Variants in SGCZ observed in about 807,000 individuals in gnomAD.
The protein encoded by SGCZ is sarcoglycan zeta.
SGCZ carries 40 observed loss-of-function variants against 41.3 expected under a neutral mutation model. The ratio of observed to expected loss-of-function variants is 0.97; its 90% CI spans 0.75 to 1.26. SGCZ has a LOEUF of 1.26. SGCZ is among the 50% of genes most tolerant of loss of function. SGCZ has a pLI of 0.00. For missense variants in SGCZ, 552 were observed against 369.8 expected, an observed-to-expected ratio of 1.49 and a Z score of -4.04; for synonymous variants, 206 against 137.5, an observed-to-expected ratio of 1.50 and a Z score of -3.49.
chr8:14,403,101 G>T (rs1799121806), intron 2 of SGCZ, among the ~76,000 whole-genome samples: 1 of 149,926 alleles, frequency 6.7e-6, no homozygotes, highest in Non-Finnish European at 1.5e-5. Flanking sequence ...GTCTGCTGTT[G>T]GTGTATAAGA....
At chr8:15,012,810 T>C (rs1802889243) in intron 1 of SGCZ, among the ~76,000 whole-genome samples, 1 of 150,326 alleles carries the variant, frequency 6.7e-6, no homozygotes, top group African/African-American at 2.4e-5. Flanking sequence ...TATATATATA[T>C]ACGTATACAA....
intron 1 of SGCZ, among the ~76,000 whole-genome samples, chr8:14,598,213 G>A (rs572866137): frequency 1.3e-5 from 2 of 151,744 alleles, no homozygotes; most frequent in East Asian, 1.9e-4. Context: ...ATTTCAAGTG[G>A]GGCATTTTTT....
intron 1 of SGCZ, among the ~76,000 whole-genome samples, chr8:14,598,526 T>C (rs1007786423): frequency 1.3e-5 from 2 of 151,940 alleles, no homozygotes; most frequent in Non-Finnish European, 2.9e-5. Context: ...TTTATATATA[T>C]ACATAGCTTT....
At chr8:14,348,302 C>T (rs1802962064) in intron 2 of SGCZ, among the ~76,000 whole-genome samples, 3 of 152,094 alleles carry the variant, frequency 2.0e-5, no homozygotes, top group Non-Finnish European at 4.4e-5. Context: ...CAGCTTGAAT[C>T]CAGACATCTC....
chr8:15,159,321 T>C (rs538590136), intron 1 of SGCZ, among the ~76,000 whole-genome samples: 33 of 147,190 alleles, frequency 2.2e-4, no homozygotes, highest in Middle Eastern at 7.6e-3. Context: ...TAGTATCCTT[T>C]ATAAGAAACT....
chr8:14,559,777 G>T (rs756762352), intron 1 of SGCZ, among the ~76,000 whole-genome samples: 1 of 151,962 alleles, frequency 6.6e-6, no homozygotes. Context: ...AATTGGAAAC[G>T]CTGATAACGG....
chr8:14,966,759 G>C (rs1801139446), intron 1 of SGCZ, among the ~76,000 whole-genome samples: 2 of 152,038 alleles, frequency 1.3e-5, no homozygotes, highest in African/African-American at 4.8e-5. Context: ...TAAACAAATA[G>C]TATAGAAAAG....
At chr8:14,550,845 G>A (rs138645961) in intron 2 of SGCZ, among the ~76,000 whole-genome samples, 2,088 of 152,062 alleles carry the variant, frequency 0.014, 26 homozygotes, top group Non-Finnish European at 0.018. Context: ...ATCGTAAAAT[G>A]ATCTCTTGTA....
chr8:14,149,283 C>T (rs1036301290), intron 5 of SGCZ, among the ~76,000 whole-genome samples: 1 of 152,028 alleles, frequency 6.6e-6, no homozygotes, highest in African/African-American at 2.4e-5. Flanking sequence ...CTAAGAAAAA[C>T]CTCAAGATTC....
intron 2 of SGCZ, among the ~76,000 whole-genome samples, chr8:14,398,739 G>A (rs1255480086): frequency 6.6e-6 from 1 of 152,096 alleles, no homozygotes; most frequent in African/African-American, 2.4e-5. Context: ...GATATGCATT[G>A]TTAAACTACA....
chr8:14,439,374 A>C lies in SGCZ; in HGVS notation c.235-115170T>G, dbSNP rs1004219366. Among the ~76,000 whole-genome samples the C allele has an allele frequency of 1.2e-4, 18 of 150,664 alleles. No individual in the cohort carries two copies. The South Asian group carries it at 1.2e-3, about 10-fold the overall frequency. ...GAAATTTCTATCAAACATTAAAACA[A>C]TTAACAAATTTTACACAATTTCTAC... On this transcript the variant is annotated intron_variant, in intron 2 of 7. Transcript: ENST00000382080.
At chr8:14,895,059 T>C (rs1805143541) in intron 1 of SGCZ, among the ~76,000 whole-genome samples, 8 of 152,194 alleles carry the variant, frequency 5.3e-5, no homozygotes, top group Admixed American at 4.6e-4. Context: ...AGGAATAACA[T>C]GAATGATCTA....
chr8:14,528,704 G>C (rs890305848), intron 2 of SGCZ, among the ~76,000 whole-genome samples: 1 of 151,836 alleles, frequency 6.6e-6, no homozygotes, highest in Non-Finnish European at 1.5e-5. Flanking sequence ...AAGAAGCTGA[G>C]GTTGTCCTCC....
chr8:15,186,254 T>C (rs1326614693), intron 1 of SGCZ, among the ~76,000 whole-genome samples: 1 of 93,314 alleles, frequency 1.1e-5, no homozygotes, highest in Non-Finnish European at 1.9e-5. Context: ...AGAGGGAAGA[T>C]TCCGTACCAA....
At position 14,110,204 on chromosome 8, in the gene SGCZ, TG is replaced by T. The variant is rs146878509; in HGVS notation, c.548-1970del. 2.1e-3 allele frequency among the ~76,000 whole-genome samples: 318 copies of T among 152,222 alleles called. 2 individuals are homozygous for T. The highest frequency in any genetic ancestry group is 7.2e-3 in the African/African-American group (300 of 41,530). ...GAAAGAATATTACAAGATATACATT[TG>T]TATATCTCAAAGAGAGACTCTGGCA... On this transcript the variant is annotated intron_variant, in intron 5 of 7. Coordinates refer to ENST00000382080, the MANE Select transcript of SGCZ (RefSeq NM_139167.4).
chr8:14,794,173 C>T (rs369475018), intron 1 of SGCZ, among the ~76,000 whole-genome samples: 16 of 151,986 alleles, frequency 1.1e-4, no homozygotes, highest in African/African-American at 3.4e-4. Context: ...TACTCAGTCA[C>T]GATTAGACAC....
At chr8:14,236,786 C>T (rs1043711941) in intron 4 of SGCZ, among the ~76,000 whole-genome samples, 6 of 151,434 alleles carry the variant, frequency 4.0e-5, no homozygotes, top group Non-Finnish European at 3.0e-5. Flanking sequence ...ACATGCATAT[C>T]AAAACTTTAA....
At chr8:14,225,129 T>C (rs1313745983) in intron 4 of SGCZ, among the ~76,000 whole-genome samples, 2 of 152,172 alleles carry the variant, frequency 1.3e-5, no homozygotes, top group Non-Finnish European at 2.9e-5. Flanking sequence ...TTACGTTACT[T>C]GCATTCATCT....
At chr8:14,725,128 T>G (rs905638902) in intron 1 of SGCZ, among the ~76,000 whole-genome samples, 1 of 152,316 alleles carries the variant, frequency 6.6e-6, no homozygotes, top group African/African-American at 2.4e-5. Context: ...CTTATTTCAC[T>G]TAACATAATG....
Sources: allele counts gnomAD v4.1 joint callset (sites outside exome capture counted in the v4.1 genomes callset), GRCh38; gene constraint gnomAD v4.1.1; transcripts MANE v1.5; gene names NCBI Gene and HGNC (gene_info 2026-07-23, HGNC 2026-07-21).